The following CD96 variants were observed in gnomAD, a reference collection of about 807,000 sequenced individuals.
CD96 encodes CD96 molecule, also known as T-cell surface protein tactile.
In CD96, 70 loss-of-function variants were observed where a neutral mutation model predicts 71.3. The observed-to-expected ratio is 0.98, with a 90% CI of 0.81 to 1.20. CD96 has a LOEUF of 1.20. Among genes scored for constraint, CD96 ranks in the 50% most tolerant of loss-of-function variants. CD96 has a pLI of 0.00. For synonymous variants in CD96, 248 were observed against 233.0 expected, an observed-to-expected ratio of 1.06 and a Z score of -0.59; for missense variants, 742 against 677.5, an observed-to-expected ratio of 1.10 and a Z score of -1.06.
intron 3 of CD96, among the ~76,000 whole-genome samples, chr3:111,571,869 G>A (rs1936000463): frequency 6.6e-6 from 1 of 152,170 alleles, no homozygotes; most frequent in African/African-American, 2.4e-5. Flanking sequence ...GGTGGTTATA[G>A]TCTCCCTTAA....
chr3:111,658,334 G>T (rs1323577116), intron 14 of CD96, among the ~76,000 whole-genome samples: 1 of 152,162 alleles, frequency 6.6e-6, no homozygotes, highest in Non-Finnish European at 1.5e-5. Context: ...TAGCTATATA[G>T]ATAGGTAGAT....
At chr3:111,579,600 C>T (rs138720779) in intron 4 of CD96, 4 of 316,090 alleles carry the variant, frequency 1.3e-5, no homozygotes, top group East Asian at 7.7e-5. Context: ...AGCCTTCTTG[C>T]GGATGGGGAC....
intron 8 of CD96, among the ~76,000 whole-genome samples, chr3:111,618,911 A>T (rs778751152): frequency 2.0e-5 from 3 of 151,896 alleles, no homozygotes; most frequent in African/African-American, 7.3e-5. Context: ...TTTATGCTCC[A>T]CTTATGCTAC....
intron 14 of CD96, among the ~76,000 whole-genome samples, chr3:111,660,337 T>A (rs976722411): frequency 6.6e-6 from 1 of 152,060 alleles, no homozygotes; most frequent in African/African-American, 2.4e-5. Context: ...CAAGAAAAAC[T>A]ACAAAACACT....
chr3:111,621,703 G>T (rs1371441180), intron 8 of CD96, among the ~76,000 whole-genome samples: 4 of 152,196 alleles, frequency 2.6e-5, no homozygotes, highest in African/African-American at 9.7e-5. Context: ...TGCAGAGACT[G>T]CCTGGGCCCT....
intron 8 of CD96, among the ~76,000 whole-genome samples, chr3:111,621,978 G>A (rs886889798): frequency 2.0e-4 from 31 of 152,298 alleles, no homozygotes; most frequent in African/African-American, 7.5e-4. Flanking sequence ...AATGGTGGGA[G>A]GCAGTGAGCT....
chr3:111,626,306 C>CAAAAA (rs71131971), intron 10 of CD96, among the ~76,000 whole-genome samples: 76 of 74,504 alleles, frequency 1.0e-3, no homozygotes, highest in East Asian at 2.5e-3. Flanking sequence ...GACTCCGTCT[C>CAAAAA]AAAAAAAAAA....
intron 2 of CD96, among the ~76,000 whole-genome samples, chr3:111,558,828 A>G (rs1298021735): frequency 1.3e-5 from 2 of 148,518 alleles, no homozygotes; most frequent in Non-Finnish European, 1.5e-5. Context: ...CTGTGAATCC[A>G]TCTGGTCCTG....
intron 12 of CD96, among the ~76,000 whole-genome samples, chr3:111,647,100 A>C (rs996894934): frequency 8.6e-4 from 131 of 151,682 alleles, no homozygotes; most frequent in African/African-American, 2.6e-3. Flanking sequence ...AAAAAAAAAA[A>C]AAAAAAAAAC....
chr3:111,623,735 A>G lies in CD96; in HGVS notation c.1181-19A>G, dbSNP rs774390970. On this transcript the variant is annotated intron_variant, in intron 8 of 13. Coordinates refer to ENST00000352690, the MANE Select transcript of CD96 (RefSeq NM_005816.5). Reference sequence around the variant, plus strand: ...ATGTAAATACATATAATAATTTGGGAATTTTATTTTCAAAATAGGATATCC... The same window carrying G: ...ATGTAAATACATATAATAATTTGGGGATTTTATTTTCAAAATAGGATATCC... The G allele has an allele frequency of 1.9e-6, 3 of 1,544,740 alleles. No individual in the cohort carries two copies. The African/African-American group carries it at 4.1e-5, about 21-fold the overall frequency.
rs372202612 is a variant in CD96, at chr3:111,649,853, G to T, written c.*47G>T. The T allele has an allele frequency of 5.2e-6, 6 of 1,148,956 alleles. No homozygotes were observed. The South Asian group carries it at 7.3e-5, about 14-fold the overall frequency. The allele number at this position is 1,148,956 out of a possible 1,614,324, so 71.2% of individuals were successfully genotyped here. Reference sequence around the variant, plus strand: ...GGCAGAACTCTGCTGGAATCCTATTGAGAAGGTAGACATTGTGCTTTATTA... The same window carrying T: ...GGCAGAACTCTGCTGGAATCCTATTTAGAAGGTAGACATTGTGCTTTATTA... On this transcript the variant is annotated 3_prime_UTR_variant, in exon 14 of 14. Coordinates refer to ENST00000352690, the MANE Select transcript of CD96 (RefSeq NM_005816.5).
chr3:111,625,093 G>A (rs1481064965), intron 10 of CD96, among the ~76,000 whole-genome samples: 2 of 152,230 alleles, frequency 1.3e-5, no homozygotes, highest in African/African-American at 2.4e-5. Context: ...GCCACAAAGC[G>A]TAATGTGTAT....
At chr3:111,624,257 A>T (rs1461720520) in intron 9 of CD96, 76 bp from the exon 10 acceptor site, 1 of 966,830 alleles carries the variant, frequency 1.0e-6, no homozygotes, top group Non-Finnish European at 1.7e-6. Flanking sequence ...ATAGATTAAA[A>T]ATTCTGTGCA....
chr3:111,570,227 AGCCC>A (rs1022069632), intron 3 of CD96, among the ~76,000 whole-genome samples: 8 of 152,188 alleles, frequency 5.3e-5, no homozygotes, highest in Non-Finnish European at 1.2e-4. Flanking sequence ...AGCAGCAGGG[AGCCC>A]TTAGTGCCCA....
At chr3:111,595,209 T>G (rs1167999043) in intron 5 of CD96, 1 of 153,118 alleles carries the variant, frequency 6.5e-6, no homozygotes, top group Non-Finnish European at 1.5e-5. Context: ...CTTTCTTGGG[T>G]CATTTCTTAA....
intron 2 of CD96, among the ~76,000 whole-genome samples, chr3:111,555,617 G>A (rs974669454): frequency 1.3e-5 from 2 of 152,286 alleles, no homozygotes; most frequent in African/African-American, 4.8e-5. Flanking sequence ...TTGTTTGGTT[G>A]GTTGGTTTTT....
chr3:111,555,853 C>T (rs1003787526), intron 2 of CD96, among the ~76,000 whole-genome samples: 24 of 152,280 alleles, frequency 1.6e-4, no homozygotes, highest in African/African-American at 5.3e-4. Context: ...ATATTTGATC[C>T]ATCCCCTTAC....
chr3:111,597,991 T>A (rs1937333759), intron 5 of CD96, 129 bp from the exon 6 acceptor site: 3 of 698,814 alleles, frequency 4.3e-6, no homozygotes, highest in Non-Finnish European at 7.8e-6. Context: ...AAAGTAGACA[T>A]TGCCTTCTAT....
chr3:111,661,254 A>G (rs1576444775), intron 14 of CD96, among the ~76,000 whole-genome samples: 1 of 151,972 alleles, frequency 6.6e-6, no homozygotes, highest in Admixed American at 6.6e-5. Context: ...TGATCCAGTC[A>G]CCTCCCACCA....
Sources: allele counts gnomAD v4.1 joint callset (sites outside exome capture counted in the v4.1 genomes callset), GRCh38; gene constraint gnomAD v4.1.1; transcripts MANE v1.5; gene names NCBI Gene and HGNC (gene_info 2026-07-23, HGNC 2026-07-21).